ERGIC1: variants seen among roughly 807,000 people sequenced by gnomAD.
ERGIC1 encodes endoplasmic reticulum-Golgi intermediate compartment protein 1.
A neutral mutation model predicts 38.3 loss-of-function variants in ERGIC1; 19 were observed. The ratio of observed to expected loss-of-function variants is 0.50; its 90% CI spans 0.35 to 0.73. The LOEUF (loss-of-function observed/expected upper bound fraction) is 0.73. Ranked by LOEUF, ERGIC1 falls within the 30% of genes least tolerant of loss-of-function variation. The probability of loss-of-function intolerance (pLI) is 0.01; values close to 1 mark genes in which losing one functional copy is unlikely to be tolerated. For synonymous variants in ERGIC1, 124 were observed against 157.6 expected (o/e 0.79, Z 1.60); for missense variants, 294 against 389.2 (o/e 0.76, Z 2.06).
At chr5:172,839,946 C>A (rs1761121379) in intron 1 of ERGIC1, among the ~76,000 whole-genome samples, 1 of 152,208 alleles carries the variant, frequency 6.6e-6, no homozygotes, top group South Asian at 2.1e-4. Context: ...CTTTTCCATT[C>A]ACTAAATTCA....
intron 5 of ERGIC1, among the ~76,000 whole-genome samples, chr5:172,918,526 G>GGC (rs1174152540): frequency 2.6e-5 from 4 of 152,342 alleles, no homozygotes; most frequent in Non-Finnish European, 5.9e-5. Context: ...GCAAAGGCTG[G>GGC]GCGGAACCTG....
At chr5:172,909,852 C>G in intron 4 of ERGIC1, 91 bp downstream of exon 4, 1 of 1,136,332 alleles carries the variant, frequency 8.8e-7, no homozygotes, top group East Asian at 2.4e-5. Flanking sequence ...CAGGACAAGC[C>G]AAGCCAACAT....
chr5:172,885,666 G>A (rs757272048), intron 1 of ERGIC1, among the ~76,000 whole-genome samples: 8 of 152,200 alleles, frequency 5.3e-5, no homozygotes, highest in Non-Finnish European at 2.9e-5. Context: ...ACACGAAGTT[G>A]GGGTGGAGTG....
At chr5:172,907,337 C>T (rs1019467384) in intron 3 of ERGIC1, among the ~76,000 whole-genome samples, 1 of 152,202 alleles carries the variant, frequency 6.6e-6, no homozygotes, top group African/African-American at 2.4e-5. Flanking sequence ...GCAGGCAGAT[C>T]ACCTGAGGTC....
chr5:172,893,905 A>ATATATATATGTGTGTGTGTGTGTG (rs1173039695), intron 2 of ERGIC1, among the ~76,000 whole-genome samples: 9 of 15,526 alleles, frequency 5.8e-4, no homozygotes, highest in Non-Finnish European at 1.1e-3. Flanking sequence ...ATATATATAT[A>ATATATATATGTGTGTGTGTGTGTG]TGTGTGTGTG....
chr5:172,899,120 C>CT, intron 3 of ERGIC1, among the ~76,000 whole-genome samples: 1 of 151,966 alleles, frequency 6.6e-6, no homozygotes, highest in Non-Finnish European at 1.5e-5. Flanking sequence ...AGGCAGGTGG[C>CT]TTTATGTGCT....
In ERGIC1 at chr5:172,847,319, C is replaced by A. The variant is rs541464288; in HGVS notation, c.20+12886C>A. On this transcript the variant is annotated intron_variant, in intron 1 of 9. Transcript: ENST00000393784. ...AACTCAGAGACCTGGTCACACCTAA[C>A]TGCAGGAGAGGTCAGCAAATACAGT... is the stretch of plus-strand genomic sequence containing the variant. 2.0e-5 allele frequency among the ~76,000 whole-genome samples: 3 copies of A among 152,274 alleles called. No homozygotes were observed. The South Asian group carries it at 6.2e-4, about 32-fold the overall frequency.
At chr5:172,921,054 G>A (rs1053029879) in intron 5 of ERGIC1, among the ~76,000 whole-genome samples, 1 of 152,242 alleles carries the variant, frequency 6.6e-6, no homozygotes, top group Non-Finnish European at 1.5e-5. Context: ...TGGCTCCGAT[G>A]ACAAACATGT....
chr5:172,902,915 C>G (rs886868703), intron 3 of ERGIC1, among the ~76,000 whole-genome samples: 2 of 152,104 alleles, frequency 1.3e-5, no homozygotes, highest in Non-Finnish European at 2.9e-5. Flanking sequence ...TAGATGTCAT[C>G]GAACTCATGC....
chr5:172,878,500 G>A (rs1762202194), intron 1 of ERGIC1, among the ~76,000 whole-genome samples: 2 of 152,226 alleles, frequency 1.3e-5, no homozygotes, highest in Non-Finnish European at 2.9e-5. Context: ...TGAACGCAAA[G>A]TGTAAGCCGA....
At position 172,930,249 on chromosome 5, in the gene ERGIC1, C is replaced by T. The variant is rs1298703267; in HGVS notation, c.542-2187C>T. Among the ~76,000 whole-genome samples, 4 of 150,364 alleles carry T rather than the reference C, an allele frequency of 2.7e-5. No individual in the cohort carries two copies. The South Asian group carries it at 8.4e-4, about 32-fold the overall frequency. On this transcript the variant is annotated intron_variant, in intron 7 of 9. Coordinates refer to ENST00000393784, the MANE Select transcript of ERGIC1 (RefSeq NM_001031711.3). ...AGGAAAATACAAATATATGTATAAA[C>T]ATGTCTGGCAGTTTATATGTGAGAC... is the stretch of plus-strand genomic sequence containing the variant.
intron 1 of ERGIC1, among the ~76,000 whole-genome samples, chr5:172,878,878 T>C (rs1762214677): frequency 6.6e-6 from 1 of 151,996 alleles, no homozygotes. Context: ...AATGAGTAGG[T>C]GAACAAACGA....
intron 1 of ERGIC1, among the ~76,000 whole-genome samples, chr5:172,882,677 G>A (rs972488748): frequency 1.3e-5 from 2 of 152,282 alleles, no homozygotes; most frequent in East Asian, 3.9e-4. Context: ...AAGTGATTAT[G>A]GTTAAGCATC....
At chr5:172,841,009 A>G (rs550225891) in intron 1 of ERGIC1, among the ~76,000 whole-genome samples, 2 of 152,334 alleles carry the variant, frequency 1.3e-5, no homozygotes, top group East Asian at 3.9e-4. Flanking sequence ...AACATTTGCC[A>G]CATGTATAGT....
intron 2 of ERGIC1, among the ~76,000 whole-genome samples, chr5:172,895,423 C>T (rs74597493): frequency 0.054 from 8,180 of 152,136 alleles, 683 homozygotes; most frequent in African/African-American, 0.18. Context: ...TGAGCTCTTG[C>T]CCACTAAGTG....
chr5:172,923,177 T>C (rs1196268630), intron 5 of ERGIC1, among the ~76,000 whole-genome samples: 1 of 93,750 alleles, frequency 1.1e-5, no homozygotes, highest in African/African-American at 4.1e-5. Context: ...CCAAGGGTTC[T>C]AGTCTGAGCA....
In ERGIC1 at chr5:172,837,956, G is replaced by A. The variant is rs947448599; in HGVS notation, c.20+3523G>A. On this transcript the variant is annotated intron_variant, in intron 1 of 9. Coordinates refer to ENST00000393784, the MANE Select transcript of ERGIC1 (RefSeq NM_001031711.3). The surrounding 1 kb of genome is among the most constrained non-coding windows in gnomAD (Gnocchi z 4.3). ...TCCGGAAGCCCTGTGCCCAGGCCCA[G>A]TGGTGCCTGAGCACTGCCTTCCGGG... 6.6e-5 allele frequency among the ~76,000 whole-genome samples: 10 copies of A among 152,214 alleles called. No individual in the cohort carries two copies. The highest frequency in any genetic ancestry group is 6.5e-5 in the Admixed American group (1 of 15,288).
At chr5:172,932,190 T>C (rs2113467634) in intron 7 of ERGIC1, among the ~76,000 whole-genome samples, 1 of 152,184 alleles carries the variant, frequency 6.6e-6, no homozygotes, top group East Asian at 1.9e-4. Flanking sequence ...GCTCTATTGA[T>C]GGACATTTGG....
At chr5:172,911,447 G>A (rs1763206657) in intron 4 of ERGIC1, among the ~76,000 whole-genome samples, 2 of 152,128 alleles carry the variant, frequency 1.3e-5, no homozygotes, top group Non-Finnish European at 2.9e-5. Flanking sequence ...GAGGGGCCAG[G>A]CAACCTCCAC....
Sources: allele counts gnomAD v4.1 joint callset (sites outside exome capture counted in the v4.1 genomes callset), GRCh38; gene constraint gnomAD v4.1.1; non-coding constraint Gnocchi (gnomAD v3.1); transcripts MANE v1.5; gene names NCBI Gene and HGNC (gene_info 2026-07-23, HGNC 2026-07-21).